The following RMP24 variants were observed in gnomAD, a reference collection of about 807,000 sequenced individuals.
The protein encoded by RMP24 is ribonuclease MRP subunit p24.
the RMP24 span, chr18:35,972,834 C>T: frequency 2.5e-6 from 4 of 1,614,082 alleles, no homozygotes; most frequent in African/African-American, 2.7e-5. Flanking sequence ...AAGCGGGAGG[C>T]GAGCGGGTAG....
the RMP24 span, chr18:35,972,908 G>C: frequency 6.2e-7 from 1 of 1,614,172 alleles, no homozygotes; most frequent in East Asian, 2.2e-5. Context: ...TCGTCGCACG[G>C]TAAGAAGAAC....
chr18:35,979,042 T>C, the RMP24 span: 1 of 1,531,096 alleles, frequency 6.5e-7, no homozygotes, highest in Non-Finnish European at 8.8e-7. Flanking sequence ...CTAAAGTTGG[T>C]AAAACAACTT....
the RMP24 span, among the ~76,000 whole-genome samples, chr18:35,976,607 T>A: frequency 6.6e-6 from 1 of 152,150 alleles, no homozygotes; most frequent in African/African-American, 2.4e-5. Context: ...TGTGAGAGTA[T>A]AACAACTCAT....
chr18:35,976,378 GA>G, the RMP24 span, among the ~76,000 whole-genome samples: 1 of 152,058 alleles, frequency 6.6e-6, no homozygotes, highest in Non-Finnish European at 1.5e-5. Flanking sequence ...ACCTTTGATA[GA>G]TGCAGATCTT....
the RMP24 span, among the ~76,000 whole-genome samples, chr18:35,975,386 T>G: frequency 2.6e-5 from 4 of 152,248 alleles, no homozygotes; most frequent in Admixed American, 2.6e-4. Context: ...CTGACCGTTA[T>G]GGCTCCACCT....
the RMP24 span, among the ~76,000 whole-genome samples, chr18:35,976,022 G>A: frequency 6.6e-6 from 1 of 152,082 alleles, no homozygotes; most frequent in Non-Finnish European, 1.5e-5. Context: ...TCTTAAATGG[G>A]AAGACAGCAA....
chr18:35,975,656 G>T, the RMP24 span, among the ~76,000 whole-genome samples: 25 of 152,268 alleles, frequency 1.6e-4, no homozygotes, highest in African/African-American at 5.5e-4. Flanking sequence ...ATTACGTACG[G>T]TTTACTATAT....
At chr18:35,976,210 C>T in the RMP24 span, among the ~76,000 whole-genome samples, 8 of 121,428 alleles carry the variant, frequency 6.6e-5, no homozygotes, top group South Asian at 2.7e-4. Flanking sequence ...AGTGTAGTGG[C>T]GTGATCTCGG....
At chr18:35,975,228 T>C in the RMP24 span, 4 of 696,112 alleles carry the variant, frequency 5.7e-6, no homozygotes, top group Admixed American at 1.3e-4. Context: ...AATATATACA[T>C]AAACACTTCT....
chr18:35,979,056 A>G, the RMP24 span: 1 of 1,493,896 alleles, frequency 6.7e-7, no homozygotes, highest in Non-Finnish European at 9.0e-7. Context: ...ACAACTTTTT[A>G]AACTCTTATT....
chr18:35,972,866 GTC>G, the RMP24 span: 5 of 1,614,186 alleles, frequency 3.1e-6, no homozygotes, highest in South Asian at 1.1e-5. Flanking sequence ...CTCCTCACAA[GTC>G]TCTTTCTCTT....
the RMP24 span, chr18:35,973,626 T>C: frequency 6.6e-6 from 1 of 152,226 alleles, no homozygotes; most frequent in Non-Finnish European, 1.5e-5. Context: ...GGCTTTAAAA[T>C]GTAGCCAAAA....
At chr18:35,973,335 G>A in the RMP24 span, 215 of 244,394 alleles carry the variant, frequency 8.8e-4, 4 homozygotes, top group Middle Eastern at 1.6e-3. Flanking sequence ...ATATACTGAG[G>A]ACTTACAAAT....
chr18:35,975,452 G>A, the RMP24 span, among the ~76,000 whole-genome samples: 1 of 152,140 alleles, frequency 6.6e-6, no homozygotes, highest in Admixed American at 6.5e-5. Context: ...GCTTCAGATA[G>A]TACTATGTTA....
At chr18:35,972,810 G>A in the RMP24 span, 1 of 1,614,220 alleles carries the variant, frequency 6.2e-7, no homozygotes, top group Non-Finnish European at 8.5e-7. Context: ...CCTCCTGTAA[G>A]AGGACTGGAG....
the RMP24 span, among the ~76,000 whole-genome samples, chr18:35,974,518 GAAAC>G: frequency 3.3e-5 from 5 of 152,196 alleles, no homozygotes; most frequent in African/African-American, 4.8e-5. Context: ...TTTAAAAAAA[GAAAC>G]AAAATCGCAG....
At chr18:35,977,238 C>T in the RMP24 span, among the ~76,000 whole-genome samples, 1 of 151,934 alleles carries the variant, frequency 6.6e-6, no homozygotes, top group Admixed American at 6.6e-5. Context: ...AAAAAAATGT[C>T]TTGTCTGATT....
the RMP24 span, among the ~76,000 whole-genome samples, chr18:35,977,085 C>T: frequency 6.6e-6 from 1 of 152,072 alleles, no homozygotes; most frequent in Admixed American, 6.6e-5. Flanking sequence ...ATTAGCCAGG[C>T]ACAGTGGAAG....
the RMP24 span, chr18:35,977,264 C>T: frequency 5.3e-5 from 34 of 643,956 alleles, no homozygotes; most frequent in Admixed American, 4.9e-4. Context: ...TACTAGATTG[C>T]AAGTTCCCCA....
Sources: gnomAD v4.1 joint callset for allele counts (sites outside exome capture counted in the v4.1 genomes callset) on GRCh38, gnomAD v4.1.1 for gene constraint, MANE v1.5 for transcripts, NCBI Gene and HGNC (gene_info 2026-07-23, HGNC 2026-07-21) for gene names.